NR2C1: variants seen among roughly 807,000 people sequenced by gnomAD.
NR2C1 encodes nuclear receptor subfamily 2 group C member 1.
NR2C1 carries 33 observed loss-of-function variants against 74.8 expected under a neutral mutation model. The observed-to-expected ratio is 0.44, with a 90% CI of 0.33 to 0.59. The LOEUF is 0.59. Ranked by LOEUF, NR2C1 falls within the 20% of genes least tolerant of loss-of-function variation. NR2C1 has a pLI of 0.02. For missense variants in NR2C1, 568 were observed against 715.6 expected, an observed-to-expected ratio of 0.79 and a Z score of 2.35; for synonymous variants, 225 against 240.6, an observed-to-expected ratio of 0.94 and a Z score of 0.60.
Position 95,022,183 on chromosome 12 carries a change from G to C in NR2C1, c.*46C>G, listed in dbSNP as rs779672533. ...CAGTGAGTTCAATTTGGTGTCTTGT[G>C]TTCTGGCAAAGAACAGTTAAGTTTA... is the stretch of plus-strand genomic sequence containing the variant. On this transcript the variant is annotated 3_prime_UTR_variant, in exon 14 of 14. Transcript: ENST00000333003. 5 of 1,475,558 alleles carry C rather than the reference G, an allele frequency of 3.4e-6. No homozygotes were observed. Among genetic ancestry groups the C allele is most frequent in the Non-Finnish European group, 4.5e-6 (5 of 1,104,150 alleles). 91.4% of individuals were successfully genotyped at this position (1,475,558 alleles called of 1,614,324 possible). A position where few individuals can be genotyped will look rare whatever the true frequency, so the allele number is the denominator to read the frequency against.
Position 95,062,653 on chromosome 12 carries a change from G to C in NR2C1, c.140C>G (p.Thr47Arg), listed in dbSNP as rs1348779629. The C allele has an allele frequency of 6.2e-7, 1 of 1,614,110 alleles. No homozygotes were observed. ...GCTTGGAGTAGAGCCGTCGTGATTT[G>C]TCAGAATGAACTGCTTGCCTTGGGT... ...HNTQGKQFIL[T>R]NHDGSTPSKV... Residue 47 changes from threonine (T) to arginine (R), a missense_variant, in exon 3 of 14, where the codon ACA (threonine) becomes AGA (arginine). Thr to Arg is a moderately conservative substitution (Grantham distance 71). This residue lies in a region of NR2C1 where 128 missense variants were observed against 118.9 expected (regional missense o/e 1.08). Transcript: ENST00000333003.
At chr12:95,069,720 T>C (rs1046714345) in intron 1 of NR2C1, among the ~76,000 whole-genome samples, 1 of 151,918 alleles carries the variant, frequency 6.6e-6, no homozygotes, top group Non-Finnish European at 1.5e-5. Context: ...CCCCATAATT[T>C]TGTGACTGGA....
chr12:95,058,925 G>T (rs1874323545), intron 4 of NR2C1, among the ~76,000 whole-genome samples: 1 of 152,042 alleles, frequency 6.6e-6, no homozygotes, highest in Non-Finnish European at 1.5e-5. Flanking sequence ...ATCTCACCTG[G>T]CCTAATGTAA....
chr12:95,059,630 G>A (rs1031671492), intron 4 of NR2C1, among the ~76,000 whole-genome samples: 16 of 152,252 alleles, frequency 1.1e-4, no homozygotes, highest in African/African-American at 3.1e-4. Flanking sequence ...AGAATTTCTT[G>A]AATCCAGGAG....
chr12:95,063,639 G>A (rs192755352), intron 2 of NR2C1, among the ~76,000 whole-genome samples: 2,033 of 150,628 alleles, frequency 0.013, 40 homozygotes, highest in African/African-American at 0.047. Context: ...CCAGGAGTTC[G>A]AGACCAGACT....
rs551045902 is a variant in NR2C1 at position 95,056,927 on chromosome 12, C to T, written c.783+626G>A. 4.8e-5 allele frequency among the ~76,000 whole-genome samples: 7 copies of T among 145,678 alleles called. No homozygotes were observed. The East Asian group carries it at 6.2e-4, about 13-fold the overall frequency. On this transcript the variant is annotated intron_variant, in intron 7 of 13. Coordinates refer to ENST00000333003, the MANE Select transcript of NR2C1 (RefSeq NM_003297.4). ...TGAGCCGAGACTGTGCCACTGCACT[C>T]TAGCCTCGGCAACAGAGTGAGACTC... is the stretch of plus-strand genomic sequence containing the variant.
chr12:95,069,252 T>G (rs1386546146), intron 1 of NR2C1, among the ~76,000 whole-genome samples: 1 of 152,120 alleles, frequency 6.6e-6, no homozygotes, highest in Non-Finnish European at 1.5e-5. Context: ...TAATGAAAAC[T>G]TAGGGAGATA....
chr12:95,042,906 G>A (rs1206384286), intron 9 of NR2C1, among the ~76,000 whole-genome samples: 3 of 147,770 alleles, frequency 2.0e-5, no homozygotes, highest in Non-Finnish European at 3.0e-5. Context: ...AGACCGGCCT[G>A]GGCAACATAA....
chr12:95,032,193 G>A (rs1870210569), intron 10 of NR2C1, among the ~76,000 whole-genome samples: 2 of 152,216 alleles, frequency 1.3e-5, no homozygotes, highest in African/African-American at 4.8e-5. Context: ...TAGTAGGCAA[G>A]CAACCAATTT....
intron 7 of NR2C1, among the ~76,000 whole-genome samples, chr12:95,053,689 T>TTG (rs1457475452): frequency 3.8e-5 from 5 of 131,832 alleles, no homozygotes; most frequent in African/African-American, 1.3e-4. Flanking sequence ...GTGTTTTTTT[T>TTG]TTTTTTTTTT....
chr12:95,031,680 T>C (rs1870127939), intron 10 of NR2C1, among the ~76,000 whole-genome samples, 192 bp from the exon 11 acceptor site: 2 of 152,316 alleles, frequency 1.3e-5, no homozygotes, highest in South Asian at 2.1e-4. Flanking sequence ...ATTTAAATAG[T>C]AGCTAGCTCA....
At chr12:95,032,438 A>G (rs1045392181) in intron 10 of NR2C1, among the ~76,000 whole-genome samples, 2 of 149,092 alleles carry the variant, frequency 1.3e-5, no homozygotes, top group African/African-American at 5.1e-5. Flanking sequence ...AGCCTGGGTG[A>G]CACAGCGAGA....
intron 7 of NR2C1, among the ~76,000 whole-genome samples, chr12:95,053,079 G>T (rs1873267377): frequency 6.6e-6 from 1 of 151,864 alleles, no homozygotes. Flanking sequence ...CAACTCCTGG[G>T]TTCAAGTGAT....
chr12:95,038,099 A>G (rs1362653245), intron 10 of NR2C1, among the ~76,000 whole-genome samples: 1 of 152,168 alleles, frequency 6.6e-6, no homozygotes, highest in African/African-American at 2.4e-5. Flanking sequence ...AGATCAAGTT[A>G]TTCTAATTAC....
Position 95,028,431 on chromosome 12 carries a change from C to G in NR2C1, c.1487G>C (p.Gly496Ala), listed in dbSNP as rs755565302. The G allele has an allele frequency of 5.0e-6, 8 of 1,609,908 alleles. No individual in the cohort carries two copies. The highest frequency in any genetic ancestry group is 6.8e-6 in the Non-Finnish European group (8 of 1,176,824). Residue 496 changes from glycine (G) to alanine (A), a missense_variant, in exon 12 of 14, where the codon GGA becomes GCA. By Grantham distance (60) the Gly-to-Ala change is moderately conservative. Transcript: ENST00000333003. The part of the protein sequence containing the change: ...CNSMVKLCID[G>A]YEYAYLKAIV... ...TGCCTTCAGGTAGGCATATTCGTAT[C>G]CATCAATGCAGAGTTTAACCATGCT... is the stretch of plus-strand genomic sequence containing the variant.
chr12:95,065,398 T>C (rs1592793599), intron 2 of NR2C1, among the ~76,000 whole-genome samples: 1 of 152,048 alleles, frequency 6.6e-6, no homozygotes, highest in African/African-American at 2.4e-5. Context: ...GAGTTAGAAA[T>C]TCAAAGAGAA....
intron 9 of NR2C1, among the ~76,000 whole-genome samples, chr12:95,043,689 C>CAA (rs34229669): frequency 1.9e-4 from 18 of 94,288 alleles, no homozygotes; most frequent in East Asian, 6.1e-4. Context: ...GACTCTGTCT[C>CAA]AAAAAAAAAA....
chr12:95,045,320 G>T (rs1000071948), intron 9 of NR2C1, among the ~76,000 whole-genome samples: 1 of 152,166 alleles, frequency 6.6e-6, no homozygotes, highest in African/African-American at 2.4e-5. Flanking sequence ...TCAAGTTATA[G>T]AGACCGGACT....
At chr12:95,031,513 C>A (rs541813523) in intron 10 of NR2C1, 25 bp from the exon 11 acceptor site, 1 of 1,543,426 alleles carries the variant, frequency 6.5e-7, no homozygotes, top group African/African-American at 1.4e-5. Context: ...AATAAAAGCA[C>A]AAATCAGATA....
Sources: allele counts gnomAD v4.1 joint callset (sites outside exome capture counted in the v4.1 genomes callset), GRCh38; gene constraint gnomAD v4.1.1; regional missense constraint gnomAD v4.1.1; transcripts MANE v1.5; gene names NCBI Gene and HGNC (gene_info 2026-07-23, HGNC 2026-07-21).